Variants in SLC5A6 observed in about 807,000 individuals in gnomAD.
SLC5A6 encodes solute carrier family 5 member 6.
In SLC5A6, 31 loss-of-function variants were observed where a neutral mutation model predicts 67.9. That is an observed-to-expected ratio of 0.46 (90% confidence interval 0.34 to 0.62). The LOEUF (loss-of-function observed/expected upper bound fraction) is 0.62. SLC5A6 is among the 20% of genes least tolerant of loss of function. The probability of loss-of-function intolerance (pLI) is 0.01; values close to 1 mark genes in which losing one functional copy is unlikely to be tolerated. For missense variants in SLC5A6, 673 were observed against 812.8 expected (o/e 0.83, Z 2.09); for synonymous variants, 343 against 331.0 (o/e 1.04, Z -0.39).
At chr2:27,210,466 T>C (rs921746708) in intron 2 of SLC5A6, among the ~76,000 whole-genome samples, 2 of 145,294 alleles carry the variant, frequency 1.4e-5, no homozygotes, top group Admixed American at 6.8e-5. Flanking sequence ...AGTCTCGCTC[T>C]GTCGCCCAGG....
Position 27,207,388 on chromosome 2 carries a change from A to C in SLC5A6, c.263T>G (p.Val88Gly). Reference sequence around the variant, plus strand: ...CCCAAATCGGTAGATCTCTGACGGCACACCCAGGATGGCCACGGCTGACTG... The same window carrying C: ...CCCAAATCGGTAGATCTCTGACGGCCCACCCAGGATGGCCACGGCTGACTG... ...TFQSAVAILG[V>G]PSEIYRFGTQ... Residue 88 changes from valine (V) to glycine (G), a missense_variant, in exon 3 of 17, where the codon GTG (valine) becomes GGG (glycine). Coordinates refer to ENST00000310574, the MANE Select transcript of SLC5A6 (RefSeq NM_021095.4). The surrounding 1 kb of genome is among the most constrained non-coding windows in gnomAD (Gnocchi z 5.5). 6.2e-7 allele frequency: 1 copy of C among 1,614,188 alleles called. No individual in the cohort carries two copies.
chr2:27,204,876 C>T lies in SLC5A6; in HGVS notation c.790G>A (p.Val264Ile). Reference sequence around the variant, plus strand: ...CCGTATAAGGAGAGCATCATGAAGACACCCCCGAAGGCCAAGGTCCAGAAG... The same window carrying T: ...CCGTATAAGGAGAGCATCATGAAGATACCCCCGAAGGCCAAGGTCCAGAAG... ...HTFWTLAFGG[V>I]FMMLSLYGVN... The change falls in exon 8 of 17, where the codon GTC becomes ATC. Residue 264 changes from valine to isoleucine, a missense_variant. Coordinates refer to ENST00000310574, the MANE Select transcript of SLC5A6 (RefSeq NM_021095.4). 6.2e-7 allele frequency: 1 copy of T among 1,614,154 alleles called. No homozygotes were observed.
chr2:27,205,080 A>G, intron 7 of SLC5A6, 149 bp from the exon 8 acceptor site: 2 of 897,408 alleles, frequency 2.2e-6, no homozygotes, highest in Non-Finnish European at 3.4e-6. Context: ...GGTGCACTCG[A>G]GAGACAGCAC....
chr2:27,203,911 C>CT (rs778755829), intron 9 of SLC5A6, 44 bp from the exon 10 acceptor site: 9 of 1,444,146 alleles, frequency 6.2e-6, no homozygotes, highest in Admixed American at 1.7e-5. Context: ...AGAGAGGGGT[C>CT]TTCCCAGGGC....
At chr2:27,202,102 A>G (rs1208475242) in intron 12 of SLC5A6, 28 bp from the exon 13 acceptor site, 3 of 1,544,524 alleles carry the variant, frequency 1.9e-6, no homozygotes, top group African/African-American at 2.7e-5. Flanking sequence ...GAAGAAAAGG[A>G]AAAAGAACAC....
chr2:27,211,954 AG>A (rs1674549486), intron 1 of SLC5A6, 65 bp downstream of exon 1: 2 of 428,980 alleles, frequency 4.7e-6, no homozygotes, highest in East Asian at 4.4e-5. Context: ...CCTGGCCGGG[AG>A]CCCGCGGGGG....
rs1361151777 is a variant in SLC5A6 at position 27,201,753 on chromosome 2, G to A, written c.1457C>T (p.Ser486Phe). Residue 486 changes from serine to phenylalanine, a missense_variant, in exon 14 of 17, where the codon TCT (serine) becomes TTT (phenylalanine). Coordinates refer to ENST00000310574, the MANE Select transcript of SLC5A6 (RefSeq NM_021095.4). ...VTSMGSSMPP[S>F]PSNGSSFSLP... ...GGAGAAGCTGGACCCATTAGAGGGA[G>A]AGGGTGGCATGCTGGAGCCCATGCT... The A allele has an allele frequency of 2.5e-6, 4 of 1,614,174 alleles. No homozygotes were observed. The highest frequency in any genetic ancestry group is 2.7e-5 in the African/African-American group (2 of 75,058).
At chr2:27,211,998 C>CCCGCCCCGG in intron 1 of SLC5A6, 22 bp downstream of exon 1, 1 of 593,476 alleles carries the variant, frequency 1.7e-6, no homozygotes, top group Middle Eastern at 4.7e-4. Flanking sequence ...GCCCGCCCCG[C>CCCGCCCCGG]TCGCCGTGCC....
Position 27,202,065 on chromosome 2 carries a change from T to C in SLC5A6, c.1285A>G (p.Ser429Gly), listed in dbSNP as rs2147992303. The change falls in exon 13 of 17, where the codon AGC becomes GGC. Residue 429 changes from serine to glycine, a missense_variant. Physicochemically the swap from Ser to Gly is moderately conservative, Grantham distance 56 (BLOSUM62 0). Coordinates refer to ENST00000310574, the MANE Select transcript of SLC5A6 (RefSeq NM_021095.4). ...GGTCCCCCAACCATGCCAAAGATGC[T>C]GATTGCTGCCTAGGAGGACAGGGTG... The part of the protein sequence containing the change: ...QMGPVLQAAI[S>G]IFGMVGGPLL... 6.2e-7 allele frequency: 1 copy of C among 1,613,478 alleles called. No individual in the cohort carries two copies. Among genetic ancestry groups the C allele is most frequent in the South Asian group, 1.1e-5 (1 of 91,060 alleles).
rs775823252 is a variant in SLC5A6 at position 27,202,818 on chromosome 2, G to A, written c.1270C>T (p.Leu424=). The change falls in exon 12 of 17, where the codon CTG becomes TTG. Residue 424 remains leucine, a synonymous_variant. Coordinates refer to ENST00000310574, the MANE Select transcript of SLC5A6 (RefSeq NM_021095.4). The part of the protein sequence containing the change: ...AYISSQMGPV[L]QAAISIFGMV... ...CTACCCTCTATAGTTATTACCTGCA[G>A]CACAGGTCCCATCTGGGAGGAAATA... 1 of 1,612,724 alleles carries A rather than the reference G, an allele frequency of 6.2e-7. No individual in the cohort carries two copies. The highest frequency in any genetic ancestry group is 8.5e-7 in the Non-Finnish European group (1 of 1,178,848).
chr2:27,203,978 T>A, intron 9 of SLC5A6, 111 bp from the exon 10 acceptor site: 2 of 761,596 alleles, frequency 2.6e-6, no homozygotes, highest in Admixed American at 4.9e-5. Flanking sequence ...CGAGACTGGG[T>A]GCATTACAAG....
chr2:27,206,594 A>T, intron 4 of SLC5A6, 60 bp from the exon 5 acceptor site: 1 of 1,490,186 alleles, frequency 6.7e-7, no homozygotes, highest in Non-Finnish European at 9.4e-7. Context: ...GAGAGGAAGA[A>T]AGATGGGCCT....
chr2:27,209,862 G>T (rs1674338626), intron 2 of SLC5A6, among the ~76,000 whole-genome samples: 1 of 152,132 alleles, frequency 6.6e-6, no homozygotes, highest in Admixed American at 6.5e-5. Context: ...GGCAACTCTT[G>T]GATCACATGT....
upstream of SLC5A6, chr2:27,212,325 C>T (rs1274336481): frequency 1.9e-6 from 3 of 1,549,322 alleles, no homozygotes; most frequent in African/African-American, 1.4e-5. Context: ...GGCGGGGCCG[C>T]GGGGCCGGGT....
Position 27,206,554 on chromosome 2 carries a change from T to A in SLC5A6, c.460-20A>T, listed in dbSNP as rs773430348. The A allele has an allele frequency of 1.9e-6, 3 of 1,611,434 alleles. No individual in the cohort carries two copies. Among genetic ancestry groups the A allele is most frequent in the Non-Finnish European group, 2.5e-6 (3 of 1,177,916 alleles). ...GATCACCTGTTGCATGTGGAAAAAA[T>A]GTGATGGGGGCCGGAGAATGGTGGG... On this transcript the variant is annotated intron_variant, in intron 4 of 16. Transcript: ENST00000310574.
chr2:27,202,710 G>A, intron 12 of SLC5A6, 103 bp downstream of exon 12: 2 of 999,100 alleles, frequency 2.0e-6, no homozygotes, highest in Non-Finnish European at 3.2e-6. Flanking sequence ...TCTTACGCCT[G>A]CCCCCCGGTC....
intron 12 of SLC5A6, 103 bp downstream of exon 12, chr2:27,202,710 G>GC (rs1327655466): frequency 3.0e-5 from 30 of 998,972 alleles, no homozygotes; most frequent in Non-Finnish European, 4.1e-5. Flanking sequence ...TCTTACGCCT[G>GC]CCCCCCGGTC....
upstream of SLC5A6, chr2:27,212,544 C>G: frequency 6.7e-7 from 1 of 1,500,010 alleles, no homozygotes; most frequent in South Asian, 1.3e-5. Flanking sequence ...GCGGCTCCCC[C>G]TTCTCCTCGG....
Position 27,201,867 on chromosome 2 carries a change from G to T in SLC5A6, c.1363-20C>A. 6.2e-7 allele frequency: 1 copy of T among 1,613,102 alleles called. No homozygotes were observed. Among genetic ancestry groups the T allele is most frequent in the Non-Finnish European group, 8.5e-7 (1 of 1,179,174 alleles). On this transcript the variant is annotated intron_variant, in intron 13 of 16. Coordinates refer to ENST00000310574, the MANE Select transcript of SLC5A6 (RefSeq NM_021095.4). ...AGCACCCTGCCGAGACACAGTGCAG[G>T]CCTGTCACAAGGCCAGTCCTGCCAG...
Sources: allele counts gnomAD v4.1 joint callset (sites outside exome capture counted in the v4.1 genomes callset), GRCh38; gene constraint gnomAD v4.1.1; non-coding constraint Gnocchi (gnomAD v3.1); transcripts MANE v1.5; gene names NCBI Gene and HGNC (gene_info 2026-07-23, HGNC 2026-07-21).